The following KHDRBS3 variants were observed in gnomAD, a reference collection of about 807,000 sequenced individuals.
KHDRBS3 encodes KH domain-containing, RNA-binding, signal transduction-associated protein 3.
Under a neutral mutation model 45.6 loss-of-function variants are expected in KHDRBS3, and 23 were observed. The ratio of observed to expected loss-of-function variants is 0.50; its 90% CI spans 0.36 to 0.72. KHDRBS3 has a LOEUF of 0.72. KHDRBS3 is among the 30% of genes least tolerant of loss of function. KHDRBS3 has a pLI of 0.00. For synonymous variants in KHDRBS3, 162 were observed against 156.5 expected (o/e 1.04, Z -0.26); for missense variants, 352 against 424.8 (o/e 0.83, Z 1.51).
At chr8:135,580,327 C>A (rs904158519) in intron 5 of KHDRBS3, among the ~76,000 whole-genome samples, 2 of 152,168 alleles carry the variant, frequency 1.3e-5, no homozygotes, top group African/African-American at 2.4e-5. Flanking sequence ...GAACTGGTAT[C>A]ATTTCATTCT....
intron 2 of KHDRBS3, among the ~76,000 whole-genome samples, chr8:135,534,870 A>C (rs753266676): frequency 7.2e-5 from 11 of 152,154 alleles, no homozygotes; most frequent in Non-Finnish European, 1.3e-4. Flanking sequence ...CACCATGCAC[A>C]AGCCTATTCA....
chr8:135,514,380 C>CTTAA (rs1824459160), intron 1 of KHDRBS3, among the ~76,000 whole-genome samples: 1 of 152,174 alleles, frequency 6.6e-6, no homozygotes, highest in Non-Finnish European at 1.5e-5. Flanking sequence ...ATTATTCCGC[C>CTTAA]TTAAAAAGTA....
chr8:135,585,447 G>A (rs1387855800), intron 6 of KHDRBS3, among the ~76,000 whole-genome samples: 5 of 151,972 alleles, frequency 3.3e-5, no homozygotes, highest in Admixed American at 3.3e-4. Flanking sequence ...AATTCCATGA[G>A]GGTAGGCACT....
chr8:135,521,641 G>T (rs928032591), intron 2 of KHDRBS3, among the ~76,000 whole-genome samples: 1 of 152,254 alleles, frequency 6.6e-6, no homozygotes, highest in Non-Finnish European at 1.5e-5. Context: ...TGTAATATGA[G>T]GTTGGATGGT....
chr8:135,585,483 C>A (rs984789109), intron 6 of KHDRBS3, among the ~76,000 whole-genome samples: 2 of 152,030 alleles, frequency 1.3e-5, no homozygotes, highest in Non-Finnish European at 2.9e-5. Context: ...CTTCCTCCCA[C>A]CCACCACACT....
chr8:135,645,290 T>C (rs1281672585), intron 8 of KHDRBS3, among the ~76,000 whole-genome samples, 173 bp downstream of exon 8: 1 of 152,206 alleles, frequency 6.6e-6, no homozygotes, highest in Non-Finnish European at 1.5e-5. Flanking sequence ...TATAAATATT[T>C]GAAGAGGACT....
At chr8:135,539,530 C>T (rs965869019) in intron 2 of KHDRBS3, 25 of 152,204 alleles carry the variant, frequency 1.6e-4, no homozygotes, top group African/African-American at 5.8e-4. Context: ...TTGTATATAT[C>T]CACAACAGTT....
chr8:135,585,275 T>A (rs933459059), intron 6 of KHDRBS3, among the ~76,000 whole-genome samples: 18 of 151,750 alleles, frequency 1.2e-4, no homozygotes, highest in African/African-American at 4.3e-4. Context: ...TTTCTTGGAT[T>A]TTAGATAGGG....
intron 3 of KHDRBS3, among the ~76,000 whole-genome samples, chr8:135,545,128 T>C (rs1352671407): frequency 6.6e-6 from 1 of 152,086 alleles, no homozygotes; most frequent in Admixed American, 6.6e-5. Context: ...ATTCATTGTT[T>C]TGGGAGGACT....
At chr8:135,651,669 C>T (rs1831431758), downstream of KHDRBS3, among the ~76,000 whole-genome samples, 1 of 152,180 alleles carries the variant, frequency 6.6e-6, no homozygotes, top group South Asian at 2.1e-4. Flanking sequence ...AAAAAGAACT[C>T]TACAAGCTTC....
At chr8:135,651,527 AG>A (rs1831428488), downstream of KHDRBS3, among the ~76,000 whole-genome samples, 1 of 152,090 alleles carries the variant, frequency 6.6e-6, no homozygotes, top group Admixed American at 6.5e-5. Flanking sequence ...CATGTAATGA[AG>A]GGTCTTGTAG....
intron 6 of KHDRBS3, among the ~76,000 whole-genome samples, chr8:135,601,923 C>T (rs187406854): frequency 6.6e-6 from 1 of 152,178 alleles, no homozygotes; most frequent in East Asian, 1.9e-4. Flanking sequence ...AAACGAGCAA[C>T]CAGTGATTCA....
At position 135,505,244 on chromosome 8, in the gene KHDRBS3, C is replaced by T. The variant is rs888228745; in HGVS notation, c.89-15993C>T. ...GTTGGAGATGGGTCATACATGCCTGCGTTTTCCCCCATTTTTATGCATGGA... is the reference window on the plus strand; with the variant it reads ...GTTGGAGATGGGTCATACATGCCTGTGTTTTCCCCCATTTTTATGCATGGA... On this transcript the variant is annotated intron_variant, in intron 1 of 8. Transcript: ENST00000355849. Among the ~76,000 whole-genome samples the T allele has an allele frequency of 6.6e-5, 10 of 152,134 alleles. No homozygotes were observed. The East Asian group carries it at 7.7e-4, about 12-fold the overall frequency.
chr8:135,499,816 A>G (rs538669610), intron 1 of KHDRBS3, among the ~76,000 whole-genome samples: 18 of 152,260 alleles, frequency 1.2e-4, no homozygotes, highest in African/African-American at 4.3e-4. Flanking sequence ...TCATGTGACA[A>G]TGAAAACTAT....
chr8:135,590,565 G>T (rs915261789), intron 6 of KHDRBS3, among the ~76,000 whole-genome samples: 1 of 152,136 alleles, frequency 6.6e-6, no homozygotes, highest in Non-Finnish European at 1.5e-5. Context: ...CCTAAAGATG[G>T]TTTTTGAAAT....
chr8:135,547,583 A>C (rs1826373414), intron 3 of KHDRBS3, among the ~76,000 whole-genome samples: 1 of 152,180 alleles, frequency 6.6e-6, no homozygotes, highest in African/African-American at 2.4e-5. Flanking sequence ...TCTTTGTAAG[A>C]GTTCAAATTA....
At chr8:135,638,104 A>G (rs898276740) in intron 7 of KHDRBS3, among the ~76,000 whole-genome samples, 2 of 152,222 alleles carry the variant, frequency 1.3e-5, no homozygotes, top group South Asian at 4.1e-4. Flanking sequence ...AGAGTGGCTT[A>G]GGGAAGATTT....
chr8:135,614,763 T>C (rs1287669758), intron 7 of KHDRBS3, among the ~76,000 whole-genome samples: 5 of 151,336 alleles, frequency 3.3e-5, no homozygotes, highest in Non-Finnish European at 7.4e-5. Flanking sequence ...GCTACAACCC[T>C]GTAAAGAAAA....
At chr8:135,635,123 T>A (rs551087738) in intron 7 of KHDRBS3, among the ~76,000 whole-genome samples, 1 of 152,222 alleles carries the variant, frequency 6.6e-6, no homozygotes, top group Non-Finnish European at 1.5e-5. Flanking sequence ...TTTAAAAAAT[T>A]TATCAATCAT....
Sources: gnomAD v4.1 joint callset for allele counts (sites outside exome capture counted in the v4.1 genomes callset) on GRCh38, gnomAD v4.1.1 for gene constraint, MANE v1.5 for transcripts, NCBI Gene and HGNC (gene_info 2026-07-23, HGNC 2026-07-21) for gene names.